EIF4EBP3: variants seen among roughly 807,000 people sequenced by gnomAD.
EIF4EBP3 encodes the protein eukaryotic translation initiation factor 4E-binding protein 3.
Under a neutral mutation model 12.1 loss-of-function variants are expected in EIF4EBP3, and 11 were observed. The ratio of observed to expected loss-of-function variants is 0.91; its 90% CI spans 0.57 to 1.51. The LOEUF is 1.51. EIF4EBP3 is among the 40% of genes most tolerant of loss of function. EIF4EBP3 has a pLI of 0.00. For synonymous variants in EIF4EBP3, 43 were observed against 54.2 expected, an observed-to-expected ratio of 0.79 and a Z score of 0.91; for missense variants, 136 against 131.8, an observed-to-expected ratio of 1.03 and a Z score of -0.16.
chr5:140,548,858 T>G (rs1383487096), intron 1 of EIF4EBP3, 48 bp from the exon 2 acceptor site: 5 of 1,573,276 alleles, frequency 3.2e-6, no homozygotes, highest in African/African-American at 1.4e-5. Flanking sequence ...CCCAGTCACC[T>G]CGGTACCCAA....
In EIF4EBP3 at chr5:140,549,288, G is replaced by GAGTT; in HGVS notation, c.*28_*31dup. ...TCCAGTGCAGATGACCTGGCATGTG[G>GAGTT]AGTTACAGAGGGATCCCTCATGCCA... On this transcript the variant is annotated 3_prime_UTR_variant, in exon 3 of 3. Transcript: ENST00000310331. 6.2e-7 allele frequency: 1 copy of GAGTT among 1,614,100 alleles called. No individual in the cohort carries two copies. The highest frequency in any genetic ancestry group is 8.5e-7 in the Non-Finnish European group (1 of 1,180,010).
Position 140,548,998 on chromosome 5 carries a change from G to A in EIF4EBP3, c.196G>A (p.Gly66Arg), listed in dbSNP as rs963241822. Reference protein sequence around the residue: ...TPPCCLPQIPGVTTPPTAPLS... With the variant: ...TPPCCLPQIPRVTTPPTAPLS... ...CCCCTGCTGCCTCCCTCAGATTCCCGGGGTCACAACTCCTCCAACAGCCCC... is the reference window on the plus strand; with the variant it reads ...CCCCTGCTGCCTCCCTCAGATTCCCAGGGTCACAACTCCTCCAACAGCCCC... The change falls in exon 2 of 3, where the codon GGG (glycine) becomes AGG (arginine). Residue 66 changes from glycine (G) to arginine (R), a missense_variant. Gly to Arg is a moderately radical substitution (Grantham distance 125). Coordinates refer to ENST00000310331, the MANE Select transcript of EIF4EBP3 (RefSeq NM_003732.3). 5.0e-6 allele frequency: 8 copies of A among 1,613,896 alleles called. No individual in the cohort carries two copies. The Admixed American group carries it at 5.0e-5, about 10-fold the overall frequency.
chr5:140,549,025 C>G lies in EIF4EBP3; in HGVS notation c.223C>G (p.Leu75Val), dbSNP rs1561853793. Residue 75 changes from leucine to valine, a missense_variant, in exon 2 of 3, where the codon CTC becomes GTC. Coordinates refer to ENST00000310331, the MANE Select transcript of EIF4EBP3 (RefSeq NM_003732.3). ...GGTCACAACTCCTCCAACAGCCCCT[C>G]TCTCCAAGCTGGAGGAGCTGAAGGA... is the stretch of plus-strand genomic sequence containing the variant. ...PGVTTPPTAP[L>V]SKLEELKEQE... is the part of the protein sequence containing the mutation. The G allele has an allele frequency of 6.2e-7, 1 of 1,614,168 alleles. No individual in the cohort carries two copies. The highest frequency in any genetic ancestry group is 1.1e-5 in the South Asian group (1 of 91,082).
At chr5:140,548,589 G>A (rs1486620492) in intron 1 of EIF4EBP3, among the ~76,000 whole-genome samples, 1 of 152,166 alleles carries the variant, frequency 6.6e-6, no homozygotes, top group Non-Finnish European at 1.5e-5. Context: ...GGAGCAGCAT[G>A]AAGTACCTGA....
chr5:140,549,543 C>T lies in EIF4EBP3; in HGVS notation c.*281C>T, dbSNP rs1195396399. 2 of 520,658 alleles carry T rather than the reference C, an allele frequency of 3.8e-6. No individual in the cohort carries two copies. Among genetic ancestry groups the T allele is most frequent in the African/African-American group, 1.9e-5 (1 of 52,328 alleles). The allele number at this position is 520,658 out of a possible 1,614,324, so 32.3% of individuals were successfully genotyped here. A position where few individuals can be genotyped will look rare whatever the true frequency, so the allele number is the denominator to read the frequency against. ...GCTGGAACTGGGGAATGGAGTAAGT[C>T]ACCTTCTGACTGCTTAGTAAACATT... On this transcript the variant is annotated 3_prime_UTR_variant, in exon 3 of 3. Transcript: ENST00000310331.
intron 1 of EIF4EBP3, among the ~76,000 whole-genome samples, chr5:140,548,294 C>T (rs1404242344): frequency 1.3e-5 from 2 of 152,162 alleles, no homozygotes; most frequent in Non-Finnish European, 2.9e-5. Flanking sequence ...GCTGGGCTCC[C>T]GACCCAGGGA....
At chr5:140,549,099 A>G in intron 2 of EIF4EBP3, 23 bp downstream of exon 2, 7 of 1,613,912 alleles carry the variant, frequency 4.3e-6, no homozygotes, top group Non-Finnish European at 5.9e-6. Context: ...GGAATTAAGA[A>G]TTGTCCCAGC....
At position 140,547,846 on chromosome 5, in the gene EIF4EBP3, C is replaced by T. The variant is rs1754415896; in HGVS notation, c.103+6C>T. 1 of 1,435,150 alleles carries T rather than the reference C, an allele frequency of 7.0e-7. No individual in the cohort carries two copies. Among genetic ancestry groups the T allele is most frequent in the African/African-American group, 1.5e-5 (1 of 67,434 alleles). 88.9% of individuals were successfully genotyped at this position (1,435,150 alleles called of 1,614,324 possible). ...ATACGCCACTACCCCCGGAGGTCAG[C>T]GGGCCGGGCAGGGGTCCGCAGGCTG... On this transcript the variant is annotated splice_donor_region_variant and intron_variant, in intron 1 of 2. Transcript: ENST00000310331.
chr5:140,547,674 G>C lies in EIF4EBP3; in HGVS notation c.-64G>C. On this transcript the variant is annotated 5_prime_UTR_variant, in exon 1 of 3. Transcript: ENST00000310331. ...CACGTGGTCGGCTGAGTCCGCCTCA[G>C]ACTCAGAGCTGCGCTCCTCGACCTC... is the stretch of plus-strand genomic sequence containing the variant. 2 of 1,431,872 alleles carry C rather than the reference G, an allele frequency of 1.4e-6. No individual in the cohort carries two copies. The highest frequency in any genetic ancestry group is 1.9e-6 in the Non-Finnish European group (2 of 1,048,152). The allele number at this position is 1,431,872 out of a possible 1,614,324, so 88.7% of individuals were successfully genotyped here. A position where few individuals can be genotyped will look rare whatever the true frequency, so the allele number is the denominator to read the frequency against.
At chr5:140,548,407 G>A (rs544386471) in intron 1 of EIF4EBP3, among the ~76,000 whole-genome samples, 7 of 152,344 alleles carry the variant, frequency 4.6e-5, no homozygotes, top group Admixed American at 2.0e-4. Flanking sequence ...TAGGACCTGG[G>A]AGGGGTCAGG....
rs1215363092 is a variant in EIF4EBP3 at position 140,549,390 on chromosome 5, T to C, written c.*128T>C. On this transcript the variant is annotated 3_prime_UTR_variant, in exon 3 of 3. Transcript: ENST00000310331. ...AATCTGGAAGGGAGTGACTTGTTAG[T>C]TCCAGGCCTCCTTTAGTTCTGAGGC... is the stretch of plus-strand genomic sequence containing the variant. The C allele has an allele frequency of 2.0e-6, 3 of 1,514,146 alleles. No individual in the cohort carries two copies. The highest frequency in any genetic ancestry group is 1.8e-6 in the Non-Finnish European group (2 of 1,095,450). 93.8% of individuals were successfully genotyped at this position (1,514,146 alleles called of 1,614,324 possible).
chr5:140,548,248 C>T (rs933172518), intron 1 of EIF4EBP3, among the ~76,000 whole-genome samples: 1 of 152,212 alleles, frequency 6.6e-6, no homozygotes, highest in Non-Finnish European at 1.5e-5. Flanking sequence ...TGGCTGGCGT[C>T]TGTTTGGTTG....
chr5:140,547,900 C>G, intron 1 of EIF4EBP3, 60 bp downstream of exon 1: 1 of 1,273,600 alleles, frequency 7.9e-7, no homozygotes, highest in Non-Finnish European at 1.0e-6. Flanking sequence ...CGTGTTGTTG[C>G]GGGGCGGGGG....
At position 140,548,887 on chromosome 5, in the gene EIF4EBP3, A is replaced by G. The variant is rs1754457132; in HGVS notation, c.104-19A>G. 1 of 1,606,424 alleles carries G rather than the reference A, an allele frequency of 6.2e-7. No homozygotes were observed. Among genetic ancestry groups the G allele is most frequent in the Non-Finnish European group, 8.5e-7 (1 of 1,175,382 alleles). ...TACCCAAGCTCCTGACTCTTACCTC[A>G]GTCCCAACCCCTTGACAGGCACCAG... On this transcript the variant is annotated intron_variant, in intron 1 of 2. Coordinates refer to ENST00000310331, the MANE Select transcript of EIF4EBP3 (RefSeq NM_003732.3).
chr5:140,547,745 C>T lies in EIF4EBP3; in HGVS notation c.8C>T (p.Thr3Met), dbSNP rs749837015. 13 of 1,546,046 alleles carry T rather than the reference C, an allele frequency of 8.4e-6. No homozygotes were observed. The East Asian group carries it at 1.3e-4, about 15-fold the overall frequency. MS[T>M]STSCPIPGGR... is the part of the protein sequence containing the mutation. ...CTGCTCCTCCCGCTCGCTATGTCAA[C>T]GTCCACTAGCTGCCCGATTCCCGGG... Residue 3 changes from threonine to methionine, a missense_variant, in exon 1 of 3, where the codon ACG (threonine) becomes ATG (methionine). Transcript: ENST00000310331.
Position 140,549,049 on chromosome 5 carries a change from G to A in EIF4EBP3, c.247G>A (p.Glu83Lys). 1 of 1,612,164 alleles carries A rather than the reference G, an allele frequency of 6.2e-7. No individual in the cohort carries two copies. Among genetic ancestry groups the A allele is most frequent in the Non-Finnish European group, 8.5e-7 (1 of 1,178,160 alleles). ...TCTCTCCAAGCTGGAGGAGCTGAAG[G>A]AGCAGGAGACAGAGGAAGAGATACC... is the stretch of plus-strand genomic sequence containing the variant. ...APLSKLEELK[E>K]QETEEEIPDD... Residue 83 changes from glutamate to lysine, a missense_variant, in exon 2 of 3, where the codon GAG becomes AAG. Glu to Lys is a moderately conservative substitution (Grantham distance 56). Transcript: ENST00000310331.
chr5:140,549,228 C>T lies in EIF4EBP3; in HGVS notation c.275-6C>T. ...CAACCTGTCTTCCTGCCTTTTCTCTCTCCAGATGACGCACAATTTGAAATG... is the reference window on the plus strand; with the variant it reads ...CAACCTGTCTTCCTGCCTTTTCTCTTTCCAGATGACGCACAATTTGAAATG... On this transcript the variant is annotated splice_polypyrimidine_tract_variant and splice_region_variant and intron_variant, in intron 2 of 2. Coordinates refer to ENST00000310331, the MANE Select transcript of EIF4EBP3 (RefSeq NM_003732.3). The T allele has an allele frequency of 6.2e-7, 1 of 1,614,204 alleles. No individual in the cohort carries two copies. The highest frequency in any genetic ancestry group is 8.5e-7 in the Non-Finnish European group (1 of 1,180,042).
intron 1 of EIF4EBP3, 118 bp from the exon 2 acceptor site, chr5:140,548,788 T>TA: frequency 7.2e-7 from 1 of 1,392,836 alleles, no homozygotes; most frequent in Non-Finnish European, 9.6e-7. Flanking sequence ...TGTCCTTTGA[T>TA]ACACAGGGAA....
In EIF4EBP3 at chr5:140,549,474, A is replaced by C. The variant is rs2127113926; in HGVS notation, c.*212A>C. On this transcript the variant is annotated 3_prime_UTR_variant, in exon 3 of 3. Coordinates refer to ENST00000310331, the MANE Select transcript of EIF4EBP3 (RefSeq NM_003732.3). ...AAGCCCTTAACTCTACTTCCTCTTC[A>C]GTCTGTGGTACTCCTCCTAACCCTA... 2.8e-6 allele frequency: 2 copies of C among 702,270 alleles called. No homozygotes were observed. Among genetic ancestry groups the C allele is most frequent in the South Asian group, 3.5e-5 (2 of 57,870 alleles). The allele number at this position is 702,270 out of a possible 1,614,324, so 43.5% of individuals were successfully genotyped here.
Sources: allele counts gnomAD v4.1 joint callset (sites outside exome capture counted in the v4.1 genomes callset), GRCh38; gene constraint gnomAD v4.1.1; transcripts MANE v1.5; gene names NCBI Gene and HGNC (gene_info 2026-07-23, HGNC 2026-07-21).